UNC13C: variants seen among roughly 807,000 people sequenced by gnomAD.
The protein encoded by UNC13C is unc-13 homolog C.
In UNC13C, 174 loss-of-function variants were observed where a neutral mutation model predicts 245.4. That is an observed-to-expected ratio of 0.71 (90% confidence interval 0.63 to 0.80). UNC13C has a LOEUF of 0.80. UNC13C is among the 30% of genes least tolerant of loss of function. UNC13C has a pLI of 0.00. For synonymous variants in UNC13C, 992 were observed against 895.1 expected, an observed-to-expected ratio of 1.11 and a Z score of -1.93; for missense variants, 2,829 against 2,602.9, an observed-to-expected ratio of 1.09 and a Z score of -1.89.
chr15:54,111,821 T>G (rs1395054808), intron 2 of UNC13C, among the ~76,000 whole-genome samples: 3 of 152,134 alleles, frequency 2.0e-5, no homozygotes, highest in Non-Finnish European at 4.4e-5. Flanking sequence ...CAGTGAGACA[T>G]GAAGGGAGAT....
intron 18 of UNC13C, among the ~76,000 whole-genome samples, chr15:54,405,129 A>G (rs1024156205): frequency 1.3e-5 from 2 of 152,150 alleles, no homozygotes; most frequent in African/African-American, 4.8e-5. Context: ...AAATATTTAC[A>G]TGTAAAATCT....
chr15:54,607,281 G>A (rs1899821410), intron 30 of UNC13C, among the ~76,000 whole-genome samples: 1 of 152,150 alleles, frequency 6.6e-6, no homozygotes, highest in Admixed American at 6.5e-5. Flanking sequence ...ACAGATCACA[G>A]GGATATACTA....
intron 1 of UNC13C, among the ~76,000 whole-genome samples, chr15:54,006,186 G>A (rs1197603617): frequency 1.3e-5 from 2 of 152,104 alleles, no homozygotes; most frequent in Admixed American, 1.3e-4. Flanking sequence ...GATCCTAAGT[G>A]CTATGGAAAT....
chr15:54,618,802 C>T (rs1279359545), intron 30 of UNC13C, among the ~76,000 whole-genome samples: 1 of 152,056 alleles, frequency 6.6e-6, no homozygotes, highest in Non-Finnish European at 1.5e-5. Flanking sequence ...TAGTTCTTTT[C>T]ACAGTAATAC....
the UNC13C span, among the ~76,000 whole-genome samples, chr15:53,939,981 G>T: frequency 1.3e-5 from 2 of 152,264 alleles, no homozygotes; most frequent in South Asian, 2.1e-4. Flanking sequence ...ATGTCATCTT[G>T]TGATGTTTAT....
At chr15:53,914,330 C>T in the UNC13C span, 1 of 152,218 alleles carries the variant, frequency 6.6e-6, no homozygotes, top group Non-Finnish European at 1.5e-5. Context: ...TCATACTTGG[C>T]TCTGAGCCAC....
chr15:53,934,697 C>CTCATAGT, the UNC13C span, among the ~76,000 whole-genome samples: 1 of 152,106 alleles, frequency 6.6e-6, no homozygotes, highest in South Asian at 2.1e-4. Flanking sequence ...ATACTCATTT[C>CTCATAGT]TCATAGTTTT....
chr15:53,968,919 G>A, the UNC13C span, among the ~76,000 whole-genome samples: 1 of 151,752 alleles, frequency 6.6e-6, no homozygotes, highest in Non-Finnish European at 1.5e-5. Context: ...TTCTAGAGAG[G>A]GCAGGTACTC....
intron 4 of UNC13C, among the ~76,000 whole-genome samples, chr15:54,214,989 G>A (rs540729420): frequency 1.3e-5 from 2 of 151,848 alleles, no homozygotes; most frequent in South Asian, 2.1e-4. Context: ...AGAAAGTTTT[G>A]GGGCTGCATT....
intron 17 of UNC13C, among the ~76,000 whole-genome samples, chr15:54,347,885 CAT>C (rs1309729398): frequency 3.3e-5 from 5 of 152,090 alleles, no homozygotes; most frequent in African/African-American, 1.2e-4. Flanking sequence ...CTTTGATGAA[CAT>C]AGTTTCATCT....
intron 30 of UNC13C, among the ~76,000 whole-genome samples, chr15:54,611,822 CAA>C (rs1353020119): frequency 6.6e-6 from 1 of 151,950 alleles, no homozygotes; most frequent in Non-Finnish European, 1.5e-5. Flanking sequence ...AGATATTACT[CAA>C]AAAATTAAGC....
chr15:54,381,073 T>C (rs1166839077), intron 17 of UNC13C, among the ~76,000 whole-genome samples: 1 of 152,164 alleles, frequency 6.6e-6, no homozygotes, highest in Non-Finnish European at 1.5e-5. Flanking sequence ...TGTTTTCTTT[T>C]AGTGATTTAA....
chr15:54,027,899 G>A (rs1324310451), intron 2 of UNC13C, among the ~76,000 whole-genome samples: 2 of 151,784 alleles, frequency 1.3e-5, no homozygotes, highest in Non-Finnish European at 2.9e-5. Flanking sequence ...CCACAAAGCT[G>A]AAGGGAATAG....
intron 3 of UNC13C, among the ~76,000 whole-genome samples, 168 bp downstream of exon 3, chr15:54,143,208 A>C (rs982656215): frequency 6.6e-6 from 1 of 151,930 alleles, no homozygotes; most frequent in Non-Finnish European, 1.5e-5. Flanking sequence ...GATATGTTGC[A>C]CTTATGGAGA....
At chr15:54,133,833 T>TTA (rs1383310496) in intron 2 of UNC13C, among the ~76,000 whole-genome samples, 1 of 152,082 alleles carries the variant, frequency 6.6e-6, no homozygotes, top group African/African-American at 2.4e-5. Flanking sequence ...TGTACATGTT[T>TTA]TATATATATA....
In UNC13C at chr15:54,628,176, C is replaced by T. The variant is rs762116930; in HGVS notation, c.*1063C>T. On this transcript the variant is annotated 3_prime_UTR_variant, in exon 33 of 33. Coordinates refer to ENST00000260323, the MANE Select transcript of UNC13C (RefSeq NM_001080534.3). ...AATGCAGTAGGAGAACAATGTAATA[C>T]AGCTTGGTACCTAAAAATATAGCTA... is the stretch of plus-strand genomic sequence containing the variant. 4.6e-5 allele frequency: 7 copies of T among 152,068 alleles called. No homozygotes were observed. Among genetic ancestry groups the T allele is most frequent in the Non-Finnish European group, 1.0e-4 (7 of 67,992 alleles). 9.4% of individuals were successfully genotyped at this position (152,068 alleles called of 1,614,324 possible).
intron 4 of UNC13C, among the ~76,000 whole-genome samples, chr15:54,169,504 G>A (rs1431706993): frequency 6.6e-6 from 1 of 152,022 alleles, no homozygotes; most frequent in Non-Finnish European, 1.5e-5. Flanking sequence ...GGCGTTCTTT[G>A]TAAATAATGG....
chr15:54,591,257 T>C (rs1444328717), intron 30 of UNC13C, among the ~76,000 whole-genome samples: 1 of 152,130 alleles, frequency 6.6e-6, no homozygotes, highest in Non-Finnish European at 1.5e-5. Flanking sequence ...TAGTTTTCTT[T>C]TTTGTGTCCT....
At chr15:54,220,896 T>C (rs2035205542) in intron 4 of UNC13C, among the ~76,000 whole-genome samples, 1 of 152,006 alleles carries the variant, frequency 6.6e-6, no homozygotes, top group African/African-American at 2.4e-5. Flanking sequence ...ACCTGTAGCA[T>C]AGTGGTTTGC....
Sources: allele counts gnomAD v4.1 joint callset (sites outside exome capture counted in the v4.1 genomes callset), GRCh38; gene constraint gnomAD v4.1.1; transcripts MANE v1.5; gene names NCBI Gene and HGNC (gene_info 2026-07-23, HGNC 2026-07-21).